Variants in XRCC4 observed in about 807,000 individuals in gnomAD.
The protein encoded by XRCC4 is DNA repair protein XRCC4.
A neutral mutation model predicts 39.1 loss-of-function variants in XRCC4; 28 were observed. The observed-to-expected ratio is 0.72, with a 90% CI of 0.53 to 0.98. The LOEUF is 0.98. Among genes scored for constraint, XRCC4 ranks in the 50% least tolerant of loss-of-function variants. The pLI, the probability that XRCC4 is intolerant of heterozygous loss-of-function variation, is 0.00. For synonymous variants in XRCC4, 123 were observed against 126.4 expected, an observed-to-expected ratio of 0.97 and a Z score of 0.18; for missense variants, 350 against 376.4, an observed-to-expected ratio of 0.93 and a Z score of 0.58.
At chr5:83,230,156 A>T (rs1181778965) in intron 6 of XRCC4, among the ~76,000 whole-genome samples, 1 of 152,016 alleles carries the variant, frequency 6.6e-6, no homozygotes, top group Non-Finnish European at 1.5e-5. Flanking sequence ...TTTTACCATA[A>T]CAATTTTAAT....
intron 3 of XRCC4, among the ~76,000 whole-genome samples, chr5:83,112,892 A>G (rs1746513993): frequency 1.3e-5 from 2 of 152,286 alleles, no homozygotes; most frequent in South Asian, 4.2e-4. Flanking sequence ...ACTACAATTG[A>G]AGATGAGATT....
intron 7 of XRCC4, among the ~76,000 whole-genome samples, chr5:83,303,230 A>AG: frequency 6.6e-6 from 1 of 151,884 alleles, no homozygotes; most frequent in Non-Finnish European, 1.5e-5. Context: ...AAAAAAAAAA[A>AG]AAAGATGTCA....
At chr5:83,261,864 A>G (rs1418844169) in intron 7 of XRCC4, among the ~76,000 whole-genome samples, 1 of 152,118 alleles carries the variant, frequency 6.6e-6, no homozygotes, top group Non-Finnish European at 1.5e-5. Context: ...AATATCCATG[A>G]GAAAAGTATT....
chr5:83,265,694 T>C (rs575308400), intron 7 of XRCC4, among the ~76,000 whole-genome samples: 1 of 152,318 alleles, frequency 6.6e-6, no homozygotes, highest in Admixed American at 6.5e-5. Context: ...AAACTTTTTT[T>C]TAATGTATTC....
chr5:83,148,040 G>A (rs1339373663), intron 3 of XRCC4, among the ~76,000 whole-genome samples: 2 of 151,824 alleles, frequency 1.3e-5, no homozygotes, highest in Non-Finnish European at 2.9e-5. Context: ...CGCCCTCCTC[G>A]GCCTCCCAAA....
At chr5:83,080,951 T>G (rs1413085968) in intron 1 of XRCC4, among the ~76,000 whole-genome samples, 1 of 152,176 alleles carries the variant, frequency 6.6e-6, no homozygotes, top group Non-Finnish European at 1.5e-5. Flanking sequence ...CAAAAAGAAA[T>G]TTATGCTAGT....
the XRCC4 span, among the ~76,000 whole-genome samples, chr5:83,366,409 T>C: frequency 5.3e-5 from 8 of 152,162 alleles, no homozygotes; most frequent in African/African-American, 1.9e-4. Flanking sequence ...CACCCAGAAT[T>C]AAATTTTTTT....
At chr5:83,295,918 C>T (rs1355484175) in intron 7 of XRCC4, among the ~76,000 whole-genome samples, 19 of 152,034 alleles carry the variant, frequency 1.2e-4, no homozygotes, top group Admixed American at 1.2e-3. Flanking sequence ...ACTTTTTCTA[C>T]TCTAAGGTAG....
chr5:83,165,697 T>C (rs1266918594), intron 3 of XRCC4, among the ~76,000 whole-genome samples: 1 of 152,096 alleles, frequency 6.6e-6, no homozygotes, highest in African/African-American at 2.4e-5. Flanking sequence ...CCATGTGTTC[T>C]TATCATTTAG....
intron 6 of XRCC4, among the ~76,000 whole-genome samples, chr5:83,240,656 A>T (rs1752872747): frequency 6.6e-6 from 1 of 152,190 alleles, no homozygotes; most frequent in African/African-American, 2.4e-5. Context: ...GGAACTCTGT[A>T]TCCAGAGTTA....
At chr5:83,201,977 G>A (rs1751218332) in intron 4 of XRCC4, 1 of 150,020 alleles carries the variant, frequency 6.7e-6, no homozygotes, top group African/African-American at 2.4e-5. Flanking sequence ...AGAAGGCAGA[G>A]GTTGTAGTGA....
At chr5:83,311,051 T>G (rs528204455) in intron 7 of XRCC4, 21 of 282,074 alleles carry the variant, frequency 7.4e-5, no homozygotes, top group South Asian at 6.6e-4. Context: ...GAGAATAAAT[T>G]TTTATTGTAT....
At chr5:83,199,553 C>T (rs1751089940) in intron 4 of XRCC4, among the ~76,000 whole-genome samples, 1 of 152,030 alleles carries the variant, frequency 6.6e-6, no homozygotes, top group Non-Finnish European at 1.5e-5. Context: ...TGTCTAAATA[C>T]CATATGTTCA....
At chr5:83,299,842 T>C (rs1457478574) in intron 7 of XRCC4, among the ~76,000 whole-genome samples, 5 of 151,966 alleles carry the variant, frequency 3.3e-5, no homozygotes. Flanking sequence ...TTTATTGCTG[T>C]CTCTGTTAGT....
rs10714065 is a variant in XRCC4, at chr5:83,167,230, CTT to C, written c.316-28529_316-28528del. ...TTCTCTAATGATCAGTGATGTTGAG[CTT>C]TTTTTTTTTTCATATGGTTGTTGTA... is the stretch of plus-strand genomic sequence containing the variant. On this transcript the variant is annotated intron_variant, in intron 3 of 7. Coordinates refer to ENST00000396027, the MANE Select transcript of XRCC4 (RefSeq NM_003401.5). Among the ~76,000 whole-genome samples, 1,016 of 148,364 alleles carry C rather than the reference CTT, an allele frequency of 6.8e-3. 9 individuals carry two copies. The highest frequency in any genetic ancestry group is 0.022 in the African/African-American group (909 of 40,496).
At chr5:83,329,522 T>C (rs77328912) in intron 7 of XRCC4, among the ~76,000 whole-genome samples, 4,185 of 152,170 alleles carry the variant, frequency 0.028, 184 homozygotes, top group African/African-American at 0.095. Flanking sequence ...ATGGCCGACA[T>C]CATTACTTCT....
At chr5:83,137,182 TTGATCATGA>T (rs1300430152) in intron 3 of XRCC4, among the ~76,000 whole-genome samples, 1 of 152,214 alleles carries the variant, frequency 6.6e-6, no homozygotes, top group African/African-American at 2.4e-5. Context: ...GATGATGATG[TTGATCATGA>T]TGATGGCACG....
chr5:83,136,246 C>A (rs960422678), intron 3 of XRCC4, among the ~76,000 whole-genome samples: 1 of 152,136 alleles, frequency 6.6e-6, no homozygotes, highest in Non-Finnish European at 1.5e-5. Flanking sequence ...ATCATCTTGT[C>A]TTTAGCAAGC....
chr5:83,213,699 C>T (rs1395289776), intron 6 of XRCC4, among the ~76,000 whole-genome samples: 4 of 152,058 alleles, frequency 2.6e-5, no homozygotes, highest in Admixed American at 1.3e-4. Context: ...CGAACACTTC[C>T]CAACTCATTT....
Sources: allele counts gnomAD v4.1 joint callset (sites outside exome capture counted in the v4.1 genomes callset), GRCh38; gene constraint gnomAD v4.1.1; transcripts MANE v1.5; gene names NCBI Gene and HGNC (gene_info 2026-07-23, HGNC 2026-07-21).